The following CNTNAP2 variants were observed in gnomAD, a reference collection of about 807,000 sequenced individuals.
CNTNAP2 encodes contactin associated protein 2.
In CNTNAP2, 98 loss-of-function variants were observed where a neutral mutation model predicts 155.2. That is an observed-to-expected ratio of 0.63 (90% confidence interval 0.54 to 0.75). CNTNAP2 has a LOEUF of 0.75. CNTNAP2 is among the 30% of genes least tolerant of loss of function. The pLI is 0.00. For missense variants in CNTNAP2, 1,727 were observed against 1,688.1 expected (o/e 1.02, Z -0.40); for synonymous variants, 651 against 631.2 (o/e 1.03, Z -0.47).
chr7:147,528,800 C>A (rs1453795734), intron 11 of CNTNAP2, among the ~76,000 whole-genome samples: 1 of 152,114 alleles, frequency 6.6e-6, no homozygotes, highest in African/African-American at 2.4e-5. Context: ...GTTATAATAC[C>A]AATCCGAACA....
At chr7:147,100,194 G>A (rs1800626532) in intron 4 of CNTNAP2, among the ~76,000 whole-genome samples, 1 of 152,068 alleles carries the variant, frequency 6.6e-6, no homozygotes, top group South Asian at 2.1e-4. Flanking sequence ...ACCTCAGTGG[G>A]CTTTTTTGTC....
intron 10 of CNTNAP2, among the ~76,000 whole-genome samples, chr7:147,467,597 C>T (rs1433654719): frequency 2.0e-5 from 3 of 152,134 alleles, no homozygotes; most frequent in African/African-American, 7.2e-5. Context: ...ATTTGGGCGA[C>T]GGATACATTA....
intron 1 of CNTNAP2, among the ~76,000 whole-genome samples, chr7:146,705,999 C>A (rs1800959185): frequency 1.3e-5 from 2 of 152,094 alleles, no homozygotes; most frequent in African/African-American, 2.4e-5. Flanking sequence ...TCAAGAGATA[C>A]CTTATGGACA....
chr7:148,329,189 A>G (rs2116552778), intron 21 of CNTNAP2, among the ~76,000 whole-genome samples: 1 of 152,148 alleles, frequency 6.6e-6, no homozygotes, highest in East Asian at 1.9e-4. Flanking sequence ...GTTTCTGAAA[A>G]TTGCTGAAAG....
At chr7:146,122,517 A>C (rs1473273400) in intron 1 of CNTNAP2, among the ~76,000 whole-genome samples, 1 of 152,220 alleles carries the variant, frequency 6.6e-6, no homozygotes, top group Non-Finnish European at 1.5e-5. Flanking sequence ...TGCCAAAAAT[A>C]AGATTGATAT....
chr7:147,661,806 C>A (rs1047391623), intron 13 of CNTNAP2, among the ~76,000 whole-genome samples: 1 of 152,152 alleles, frequency 6.6e-6, no homozygotes, highest in Admixed American at 6.5e-5. Flanking sequence ...CCACCTCGGC[C>A]TCCCAAAGTG....
chr7:146,389,346 A>C (rs1415349248), intron 1 of CNTNAP2, among the ~76,000 whole-genome samples: 1 of 151,978 alleles, frequency 6.6e-6, no homozygotes, highest in African/African-American at 2.4e-5. Flanking sequence ...TGATGTTCTT[A>C]AGTTCTGGAA....
intron 1 of CNTNAP2, among the ~76,000 whole-genome samples, chr7:146,627,446 A>T (rs1799438877): frequency 6.6e-6 from 1 of 152,186 alleles, no homozygotes; most frequent in Non-Finnish European, 1.5e-5. Flanking sequence ...TCTAGAAAAG[A>T]AAATGTTTAA....
At chr7:147,685,989 G>A (rs1252618569) in intron 13 of CNTNAP2, among the ~76,000 whole-genome samples, 1 of 151,994 alleles carries the variant, frequency 6.6e-6, no homozygotes, top group Non-Finnish European at 1.5e-5. Context: ...TGCAATTAAA[G>A]GGGATGTTGA....
At chr7:146,304,026 C>G (rs538842093) in intron 1 of CNTNAP2, among the ~76,000 whole-genome samples, 12 of 150,122 alleles carry the variant, frequency 8.0e-5, no homozygotes, top group Non-Finnish European at 1.8e-4. Context: ...ATGTAATGGT[C>G]TTCTTTGTCT....
chr7:146,802,616 TC>T (rs1802898560), intron 2 of CNTNAP2, among the ~76,000 whole-genome samples: 2 of 152,100 alleles, frequency 1.3e-5, no homozygotes, highest in Admixed American at 1.3e-4. Context: ...TGTCTCCTGC[TC>T]CACCATGGTA....
intron 3 of CNTNAP2, among the ~76,000 whole-genome samples, chr7:146,847,631 G>T (rs147760912): frequency 1.3e-5 from 2 of 152,018 alleles, no homozygotes; most frequent in Non-Finnish European, 2.9e-5. Context: ...ATTTAAAATA[G>T]CCTGTTACTT....
At chr7:146,502,131 C>A (rs1797309300) in intron 1 of CNTNAP2, among the ~76,000 whole-genome samples, 2 of 149,536 alleles carry the variant, frequency 1.3e-5, no homozygotes, top group Non-Finnish European at 1.5e-5. Context: ...ATTTTATTTA[C>A]CATAATGTCT....
intron 1 of CNTNAP2, among the ~76,000 whole-genome samples, chr7:146,356,707 T>G (rs1795003643): frequency 1.3e-5 from 2 of 152,218 alleles, no homozygotes; most frequent in Non-Finnish European, 2.9e-5. Flanking sequence ...GTTAGAGATT[T>G]TCTAGAGTTT....
chr7:147,141,010 T>C (rs1463299114), intron 8 of CNTNAP2, among the ~76,000 whole-genome samples: 4 of 152,158 alleles, frequency 2.6e-5, no homozygotes, highest in African/African-American at 7.2e-5. Context: ...ATAATAACTA[T>C]TGAATGCTTA....
At chr7:148,205,378 T>C (rs1795433682) in intron 18 of CNTNAP2, among the ~76,000 whole-genome samples, 1 of 152,226 alleles carries the variant, frequency 6.6e-6, no homozygotes, top group South Asian at 2.1e-4. Flanking sequence ...CAGCAAACTG[T>C]GAAGTTAGCA....
intron 13 of CNTNAP2, among the ~76,000 whole-genome samples, chr7:147,794,191 T>A (rs183128541): frequency 3.9e-4 from 59 of 152,146 alleles, no homozygotes; most frequent in African/African-American, 1.4e-3. Context: ...TATAAAATTT[T>A]AAATTGAAGT....
chr7:148,308,651 G>A (rs1036333794), intron 21 of CNTNAP2, among the ~76,000 whole-genome samples: 4 of 151,552 alleles, frequency 2.6e-5, no homozygotes, highest in Non-Finnish European at 5.9e-5. Context: ...AGGTATACAC[G>A]TGCCATGGTG....
At chr7:147,656,020 A>G (rs1006165838) in intron 13 of CNTNAP2, among the ~76,000 whole-genome samples, 1 of 152,156 alleles carries the variant, frequency 6.6e-6, no homozygotes, top group Non-Finnish European at 1.5e-5. Flanking sequence ...TTCACTTTGC[A>G]CTCTCACATT....
Sources: allele counts gnomAD v4.1 joint callset (sites outside exome capture counted in the v4.1 genomes callset), GRCh38; gene constraint gnomAD v4.1.1; transcripts MANE v1.5; gene names NCBI Gene and HGNC (gene_info 2026-07-23, HGNC 2026-07-21).